UBE2E2: variants seen among roughly 807,000 people sequenced by gnomAD.
UBE2E2 encodes the protein ubiquitin-conjugating enzyme E2 E2.
Under a neutral mutation model 24.7 loss-of-function variants are expected in UBE2E2, and 6 were observed. The observed-to-expected ratio is 0.24, with a 90% CI of 0.13 to 0.48. UBE2E2 has a LOEUF of 0.48. Among genes scored for constraint, UBE2E2 ranks in the 20% least tolerant of loss-of-function variants. The probability of loss-of-function intolerance (pLI) is 0.99; values close to 1 mark genes in which losing one functional copy is unlikely to be tolerated. For synonymous variants in UBE2E2, 104 were observed against 83.6 expected (o/e 1.24, Z -1.33); for missense variants, 169 against 245.0 (o/e 0.69, Z 2.07).
chr3:23,562,058 A>T (rs1393433099), intron 5 of UBE2E2, among the ~76,000 whole-genome samples: 1 of 152,108 alleles, frequency 6.6e-6, no homozygotes, highest in African/African-American at 2.4e-5. Flanking sequence ...AATACCCTTT[A>T]TTTCTTTCTC....
At chr3:23,409,090 T>C (rs1298687010) in intron 3 of UBE2E2, among the ~76,000 whole-genome samples, 1 of 152,192 alleles carries the variant, frequency 6.6e-6, no homozygotes, top group Admixed American at 6.6e-5. Context: ...ATTGTTGGGC[T>C]ACATTCCTGA....
intron 3 of UBE2E2, chr3:23,271,259 G>C (rs1698233599): frequency 6.0e-6 from 2 of 335,248 alleles, no homozygotes; most frequent in Non-Finnish European, 1.2e-5. Flanking sequence ...GGTGTGTCTA[G>C]AGTTTGTTCC....
At chr3:23,344,484 A>C (rs1695491467) in intron 3 of UBE2E2, among the ~76,000 whole-genome samples, 1 of 152,064 alleles carries the variant, frequency 6.6e-6, no homozygotes, top group Non-Finnish European at 1.5e-5. Flanking sequence ...TTTTAACGTG[A>C]GTATAATTAC....
rs11708160 is a variant in UBE2E2 at position 23,509,255 on chromosome 3, C to A, written c.360+9515C>A. Among the ~76,000 whole-genome samples, 5 of 151,984 alleles carry A rather than the reference C, an allele frequency of 3.3e-5. 1 individual carries two copies. Among genetic ancestry groups the A allele is most frequent in the African/African-American group, 9.7e-5 (4 of 41,378 alleles). ...CAGTTTTGGCATTTTCCTAACCTTA[C>A]AGGAAAGGGCTTTTATGGAACCAGA... On this transcript the variant is annotated intron_variant, in intron 4 of 5. Transcript: ENST00000396703.
chr3:23,309,207 G>C (rs1419924713), intron 3 of UBE2E2, among the ~76,000 whole-genome samples: 1 of 152,100 alleles, frequency 6.6e-6, no homozygotes, highest in Non-Finnish European at 1.5e-5. Context: ...TCTAACTCCA[G>C]GCCTCAACTG....
intron 4 of UBE2E2, among the ~76,000 whole-genome samples, chr3:23,523,176 A>T (rs913484883): frequency 1.3e-5 from 2 of 152,258 alleles, no homozygotes; most frequent in Non-Finnish European, 2.9e-5. Flanking sequence ...AATTTTTATA[A>T]ATTGCAAAAG....
chr3:23,385,567 C>T (rs1197116683), intron 3 of UBE2E2, among the ~76,000 whole-genome samples: 1 of 152,204 alleles, frequency 6.6e-6, no homozygotes, highest in Non-Finnish European at 1.5e-5. Flanking sequence ...AGGTGTATCT[C>T]ACAGCTGATG....
intron 3 of UBE2E2, among the ~76,000 whole-genome samples, chr3:23,379,731 GGA>G (rs1292973877): frequency 6.6e-6 from 1 of 152,036 alleles, no homozygotes; most frequent in East Asian, 1.9e-4. Flanking sequence ...TGGTGTGATG[GGA>G]GAGAGAGATG....
chr3:23,301,165 TATTCTA>T (rs1699071963), intron 3 of UBE2E2, among the ~76,000 whole-genome samples: 1 of 152,220 alleles, frequency 6.6e-6, no homozygotes, highest in South Asian at 2.1e-4. Flanking sequence ...CTGCATTAGT[TATTCTA>T]GTTATCCATT....
At chr3:23,346,075 T>A (rs1345983617) in intron 3 of UBE2E2, among the ~76,000 whole-genome samples, 2 of 152,218 alleles carry the variant, frequency 1.3e-5, no homozygotes, top group Non-Finnish European at 2.9e-5. Flanking sequence ...TCCCTTCTTA[T>A]TTTTAAGCCC....
intron 3 of UBE2E2, among the ~76,000 whole-genome samples, chr3:23,220,675 A>G (rs1422676289): frequency 6.6e-6 from 1 of 152,230 alleles, no homozygotes; most frequent in Non-Finnish European, 1.5e-5. Context: ...CTGCTGAGTT[A>G]GAGGTGCTGG....
At chr3:23,355,571 A>G (rs1695920427) in intron 3 of UBE2E2, among the ~76,000 whole-genome samples, 1 of 152,226 alleles carries the variant, frequency 6.6e-6, no homozygotes, top group African/African-American at 2.4e-5. Context: ...ATGATTTGAA[A>G]TAGCGACTTG....
At chr3:23,269,298 A>G (rs554112645) in intron 3 of UBE2E2, among the ~76,000 whole-genome samples, 3 of 152,270 alleles carry the variant, frequency 2.0e-5, no homozygotes, top group Admixed American at 1.3e-4. Flanking sequence ...TTCACAACCT[A>G]CTCATCTGAC....
intron 3 of UBE2E2, among the ~76,000 whole-genome samples, chr3:23,475,264 T>TA (rs1327973783): frequency 6.6e-6 from 1 of 152,048 alleles, no homozygotes; most frequent in Non-Finnish European, 1.5e-5. Flanking sequence ...ATAGGGGTTA[T>TA]AAAGACCAAC....
intron 3 of UBE2E2, among the ~76,000 whole-genome samples, chr3:23,304,118 C>A (rs1394152273): frequency 6.6e-6 from 1 of 152,126 alleles, no homozygotes; most frequent in Non-Finnish European, 1.5e-5. Flanking sequence ...GAGTAGTGTA[C>A]ATTTGATTTC....
At chr3:23,466,506 A>G (rs1477906242) in intron 3 of UBE2E2, among the ~76,000 whole-genome samples, 2 of 152,240 alleles carry the variant, frequency 1.3e-5, no homozygotes, top group Non-Finnish European at 2.9e-5. Flanking sequence ...GTCCAGCTTC[A>G]AAACAGCCTT....
At chr3:23,568,921 T>C (rs1195274538) in intron 5 of UBE2E2, among the ~76,000 whole-genome samples, 1 of 151,874 alleles carries the variant, frequency 6.6e-6, no homozygotes, top group Non-Finnish European at 1.5e-5. Flanking sequence ...GACAGCACTT[T>C]AGCAGTTCCT....
At chr3:23,375,572 G>GT (rs1207689227) in intron 3 of UBE2E2, among the ~76,000 whole-genome samples, 2 of 152,098 alleles carry the variant, frequency 1.3e-5, no homozygotes, top group African/African-American at 2.4e-5. Flanking sequence ...TTTAGTAGAG[G>GT]TTTTTTGTTT....
intron 5 of UBE2E2, among the ~76,000 whole-genome samples, chr3:23,562,692 T>C (rs545957344): frequency 8.1e-4 from 124 of 152,200 alleles, no homozygotes; most frequent in African/African-American, 2.9e-3. Context: ...GTGAATCCAT[T>C]TGGTCCTGGA....
Sources: gnomAD v4.1 joint callset for allele counts (sites outside exome capture counted in the v4.1 genomes callset) on GRCh38, gnomAD v4.1.1 for gene constraint, MANE v1.5 for transcripts, NCBI Gene and HGNC (gene_info 2026-07-23, HGNC 2026-07-21) for gene names.